PRDM15: variants seen among roughly 807,000 people sequenced by gnomAD.
The protein encoded by PRDM15 is PR domain zinc finger protein 15.
In PRDM15, 64 loss-of-function variants were observed where a neutral mutation model predicts 128.6. The observed-to-expected ratio is 0.50, with a 90% CI of 0.41 to 0.61. The LOEUF is 0.61. PRDM15 is among the 20% of genes least tolerant of loss of function. The pLI is 0.00. For synonymous variants in PRDM15, 615 were observed against 621.8 expected, an observed-to-expected ratio of 0.99 and a Z score of 0.16; for missense variants, 1,242 against 1,569.1, an observed-to-expected ratio of 0.79 and a Z score of 3.52.
chr21:41,839,472 A>AG (rs2063000014), intron 7 of PRDM15, 151 bp downstream of exon 7: 6 of 645,836 alleles, frequency 9.3e-6, no homozygotes, highest in Non-Finnish European at 1.4e-5. Flanking sequence ...GTTGATTGAG[A>AG]GAAAAACAGA....
intron 18 of PRDM15, among the ~76,000 whole-genome samples, chr21:41,819,072 A>T (rs1323361149): frequency 1.3e-5 from 2 of 152,188 alleles, no homozygotes; most frequent in Non-Finnish European, 2.9e-5. Flanking sequence ...TACTTTTAAA[A>T]CGATTTGTTT....
chr21:41,801,982 C>T (rs889512769), intron 23 of PRDM15, among the ~76,000 whole-genome samples: 6 of 152,098 alleles, frequency 3.9e-5, no homozygotes, highest in Admixed American at 6.5e-5. Context: ...AAAGTAAGCA[C>T]GAAAAAGACG....
chr21:41,805,377 ACAG>A (rs1349500712), intron 21 of PRDM15, among the ~76,000 whole-genome samples: 10 of 152,342 alleles, frequency 6.6e-5, no homozygotes, highest in Non-Finnish European at 1.3e-4. Context: ...CTTCACCCAA[ACAG>A]CTTTGCAAAC....
rs142611293 is a variant in PRDM15 at position 41,836,625 on chromosome 21, G to A, written c.1026C>T (p.Thr342=). ...VPKFTHHQNN[T]ITLKRSLILS... is the part of the protein sequence containing the mutation. ...GAATTAAGCTCCTCTTGAGCGTGAT[G>A]GTGTTATTCTGATGATGGGTGAACC... Residue 342 remains threonine, a synonymous_variant, in exon 9 of 24, where the codon ACC becomes ACT. Transcript: ENST00000398548. 1.1e-4 allele frequency: 183 copies of A among 1,607,310 alleles called. No homozygotes were observed. The Middle Eastern group carries it at 1.5e-3, about 13-fold the overall frequency.
intron 6 of PRDM15, among the ~76,000 whole-genome samples, chr21:41,841,437 TAAAG>T (rs1395598226): frequency 6.6e-6 from 1 of 152,078 alleles, no homozygotes; most frequent in Non-Finnish European, 1.5e-5. Context: ...TGCAGATGGT[TAAAG>T]AAAGATATTT....
Position 41,819,671 on chromosome 21 carries a change from C to T in PRDM15, c.2171G>A (p.Gly724Glu). The T allele has an allele frequency of 6.2e-7, 1 of 1,608,412 alleles. No individual in the cohort carries two copies. Among genetic ancestry groups the T allele is most frequent in the Non-Finnish European group, 8.5e-7 (1 of 1,178,878 alleles). ...CATGTCCTTCCTGGCAAAGGACTTC[C>T]CACACTGCTCGCAGGCGTGGCTCTT... ...GVKSHACEQC[G>E]KSFARKDMLK... The change falls in exon 18 of 24, where the codon GGG becomes GAG. Residue 724 changes from glycine (G) to glutamate (E), a missense_variant. Physicochemically the swap from Gly to Glu is moderately conservative, Grantham distance 98 (BLOSUM62 -2). Transcript: ENST00000398548.
intron 21 of PRDM15, among the ~76,000 whole-genome samples, chr21:41,809,264 G>A (rs943471567): frequency 5.0e-5 from 7 of 140,380 alleles, no homozygotes; most frequent in African/African-American, 8.0e-5. Flanking sequence ...ATGGAATCTC[G>A]TTCTGTCACC....
intron 16 of PRDM15, among the ~76,000 whole-genome samples, 178 bp from the exon 17 acceptor site, chr21:41,820,352 C>T (rs1487789291): frequency 6.6e-6 from 1 of 152,232 alleles, no homozygotes; most frequent in Non-Finnish European, 1.5e-5. Context: ...CGAATTCCTA[C>T]ATCGAAGTCT....
intron 21 of PRDM15, among the ~76,000 whole-genome samples, chr21:41,805,951 C>A (rs114843414): frequency 7.1e-6 from 1 of 141,140 alleles, no homozygotes; most frequent in African/African-American, 2.6e-5. Flanking sequence ...ACTACCACCA[C>A]GTGGCATCAC....
chr21:41,875,579 C>T (rs1216153560), intron 1 of PRDM15, among the ~76,000 whole-genome samples: 1 of 152,234 alleles, frequency 6.6e-6, no homozygotes, highest in Non-Finnish European at 1.5e-5. Flanking sequence ...GGCACGGTGA[C>T]GTGACAGCCA....
Position 41,857,297 on chromosome 21 carries a change from C to G in PRDM15, c.164G>C (p.Arg55Pro). ...CACCCCCTCGGCTCCATCTTCCAGT[C>G]GTCTGATCTCCAAGTTGGGAGGAAG... is the stretch of plus-strand genomic sequence containing the variant. The part of the protein sequence containing the change: ...SSLPPNLEIR[R>P]LEDGAEGVFA... The change falls in exon 4 of 24, where the codon CGA becomes CCA. Residue 55 changes from arginine to proline, a missense_variant. Around this residue, in one of 3 missense-constraint regions of PRDM15, gnomAD observed 612 missense variants for 717.0 expected, o/e 0.85. Transcript: ENST00000398548. 1 of 1,613,874 alleles carries G rather than the reference C, an allele frequency of 6.2e-7. No individual in the cohort carries two copies. Among genetic ancestry groups the G allele is most frequent in the Non-Finnish European group, 8.5e-7 (1 of 1,180,006 alleles).
chr21:41,802,434 C>G (rs1212557300), intron 23 of PRDM15, among the ~76,000 whole-genome samples: 2 of 152,224 alleles, frequency 1.3e-5, no homozygotes, highest in Non-Finnish European at 2.9e-5. Context: ...AAACTGCAAA[C>G]AGCCTACCTA....
intron 21 of PRDM15, among the ~76,000 whole-genome samples, chr21:41,805,979 T>TCACCATCACCACCAC (rs2061555339): frequency 2.0e-5 from 1 of 49,910 alleles, no homozygotes; most frequent in African/African-American, 6.7e-5. Flanking sequence ...GCCATTCCTA[T>TCACCATCACCACCAC]CACCACTATC....
chr21:41,837,020 T>G (rs1026231575), intron 8 of PRDM15: 4 of 159,530 alleles, frequency 2.5e-5, no homozygotes, highest in African/African-American at 7.2e-5. Flanking sequence ...TTTTCAAAAC[T>G]TCTTTTCCCT....
intron 22 of PRDM15, 21 bp from the exon 23 acceptor site, chr21:41,802,942 G>T: frequency 1.2e-6 from 2 of 1,608,816 alleles, no homozygotes; most frequent in Non-Finnish European, 8.5e-7. Flanking sequence ...ATCGGTTTCA[G>T]CCGAGAACCA....
At chr21:41,809,122 C>T (rs1409963515) in intron 21 of PRDM15, among the ~76,000 whole-genome samples, 1 of 152,256 alleles carries the variant, frequency 6.6e-6, no homozygotes, top group East Asian at 1.9e-4. Flanking sequence ...CATGAGCTCC[C>T]TCTCCGTGTA....
At chr21:41,831,165 C>G (rs1246555356) in intron 11 of PRDM15, among the ~76,000 whole-genome samples, 5 of 152,268 alleles carry the variant, frequency 3.3e-5, no homozygotes, top group Admixed American at 6.5e-5. Context: ...ATCCCCAAAA[C>G]TGCACTGAAA....
chr21:41,869,418 T>G (rs1463349471), intron 1 of PRDM15, among the ~76,000 whole-genome samples: 1 of 150,324 alleles, frequency 6.7e-6, no homozygotes, highest in African/African-American at 2.4e-5. Context: ...GTTGTTAGAC[T>G]ACAGGCACAC....
chr21:41,803,009 A>G (rs1430969428), intron 22 of PRDM15, 88 bp from the exon 23 acceptor site: 2 of 1,006,506 alleles, frequency 2.0e-6, no homozygotes, highest in Admixed American at 1.7e-5. Flanking sequence ...CCCTGGACAC[A>G]CTCTCCAATC....
Sources: gnomAD v4.1 joint callset for allele counts (sites outside exome capture counted in the v4.1 genomes callset) on GRCh38, gnomAD v4.1.1 for gene constraint, gnomAD v4.1.1 regional missense constraint, MANE v1.5 for transcripts, NCBI Gene and HGNC (gene_info 2026-07-23, HGNC 2026-07-21) for gene names.